Variants in THOC7 observed in about 807,000 individuals in gnomAD.
The protein encoded by THOC7 is NIF3L1-binding protein 1.
A neutral mutation model predicts 33.1 loss-of-function variants in THOC7; 22 were observed. That is an observed-to-expected ratio of 0.66 (90% CI 0.47 to 0.95). The LOEUF (loss-of-function observed/expected upper bound fraction) is 0.95. Ranked by LOEUF, THOC7 falls within the 40% of genes least tolerant of loss-of-function variation. The probability of loss-of-function intolerance (pLI) is 0.00; values close to 1 mark genes in which losing one functional copy is unlikely to be tolerated. For missense variants in THOC7, 184 were observed against 245.3 expected, an observed-to-expected ratio of 0.75 and a Z score of 1.67; for synonymous variants, 77 against 76.8, an observed-to-expected ratio of 1.00 and a Z score of -0.01.
intron 1 of THOC7, among the ~76,000 whole-genome samples, chr3:63,845,451 C>T (rs1701870665): frequency 6.6e-6 from 1 of 152,096 alleles, no homozygotes; most frequent in African/African-American, 2.4e-5. Flanking sequence ...CCATTGGTGA[C>T]CAGCATATGA....
chr3:63,851,879 A>G (rs183910359), intron 1 of THOC7, among the ~76,000 whole-genome samples: 1 of 152,258 alleles, frequency 6.6e-6, no homozygotes, highest in East Asian at 1.9e-4. Context: ...GCCAATTGAG[A>G]TCTTTAAACT....
At chr3:63,856,770 G>T (rs1702123750) in intron 1 of THOC7, among the ~76,000 whole-genome samples, 1 of 151,832 alleles carries the variant, frequency 6.6e-6, no homozygotes, top group Admixed American at 6.6e-5. Context: ...CCAGGCTGGA[G>T]TGCGTGGCGC....
chr3:63,847,700 G>A (rs530455765), intron 1 of THOC7, among the ~76,000 whole-genome samples: 5 of 110,850 alleles, frequency 4.5e-5, no homozygotes, highest in African/African-American at 1.4e-4. Context: ...TCGTGCAACT[G>A]CACTCCAGTC....
chr3:63,853,087 T>A (rs1212369720), intron 1 of THOC7, among the ~76,000 whole-genome samples: 1 of 149,390 alleles, frequency 6.7e-6, no homozygotes, highest in African/African-American at 2.5e-5. Context: ...GGAGGTGGAG[T>A]TTGCAGTGAG....
chr3:63,861,021 G>A (rs1374736203), intron 1 of THOC7: 1 of 152,126 alleles, frequency 6.6e-6, no homozygotes, highest in Non-Finnish European at 1.5e-5. Context: ...AAAGGAAAGT[G>A]GAAGACAGAT....
Position 63,833,979 on chromosome 3 carries a change from G to C in THOC7, c.*153C>G, listed in dbSNP as rs1701572269. 1 of 671,814 alleles carries C rather than the reference G, an allele frequency of 1.5e-6. No individual in the cohort carries two copies. Among genetic ancestry groups the C allele is most frequent in the African/African-American group, 1.9e-5 (1 of 54,034 alleles). 41.6% of individuals were successfully genotyped at this position (671,814 alleles called of 1,614,324 possible). A position where few individuals can be genotyped will look rare whatever the true frequency, so the allele number is the denominator to read the frequency against. ...ATCTATACTGAAGTCATTTTCCTTT[G>C]TGAGAGGAAATATGAATGAAATACA... is the stretch of plus-strand genomic sequence containing the variant. On this transcript the variant is annotated 3_prime_UTR_variant, in exon 8 of 8. Coordinates refer to ENST00000295899, the MANE Select transcript of THOC7 (RefSeq NM_025075.4).
intron 1 of THOC7, among the ~76,000 whole-genome samples, chr3:63,853,157 G>GAAAA (rs1195911287): frequency 6.8e-5 from 5 of 73,490 alleles, no homozygotes; most frequent in East Asian, 4.5e-4. Context: ...TCTCAAAAAA[G>GAAAA]AAAAAAAAAA....
At chr3:63,861,370 C>A (rs1270036415) in intron 1 of THOC7, 2 of 152,184 alleles carry the variant, frequency 1.3e-5, no homozygotes, top group African/African-American at 4.8e-5. Flanking sequence ...ACAGTGAAGT[C>A]AAAAACCTGG....
At chr3:63,863,466 C>T (rs1325550651) in intron 1 of THOC7, 1 of 1,156,754 alleles carries the variant, frequency 8.6e-7, no homozygotes, top group East Asian at 4.0e-5. Flanking sequence ...CGGCCACCCA[C>T]GTGTGTTCCC....
At chr3:63,853,823 G>T (rs1367459189) in intron 1 of THOC7, among the ~76,000 whole-genome samples, 1 of 151,868 alleles carries the variant, frequency 6.6e-6, no homozygotes, top group Non-Finnish European at 1.5e-5. Context: ...CAGGAGAATG[G>T]CGTGAACCCG....
intron 1 of THOC7, among the ~76,000 whole-genome samples, chr3:63,853,018 G>A (rs1356626587): frequency 6.6e-6 from 1 of 152,054 alleles, no homozygotes; most frequent in Non-Finnish European, 1.5e-5. Context: ...GGGCGTGGTG[G>A]CACGCACCTG....
Position 63,837,998 on chromosome 3 carries a change from T to C in THOC7, c.330A>G (p.Lys110=), listed in dbSNP as rs781186093. The C allele has an allele frequency of 1.4e-5, 22 of 1,608,774 alleles. No individual in the cohort carries two copies. ...TACCTTGGCGATTTTTTCGTATTCG[T>C]TTTGCTTGAAGAATTTGCTTTTTGC... ...AECKKQILQA[K]RIRKNRQEYD... Residue 110 remains lysine (K), a synonymous_variant, in exon 4 of 8, where the codon AAA becomes AAG. Transcript: ENST00000295899.
At chr3:63,858,172 GAA>G (rs922797724) in intron 1 of THOC7, among the ~76,000 whole-genome samples, 1 of 152,154 alleles carries the variant, frequency 6.6e-6, no homozygotes, top group Non-Finnish European at 1.5e-5. Context: ...TTTTCACTCT[GAA>G]AAGTGTCCTG....
At chr3:63,850,000 G>A (rs1456046399) in intron 1 of THOC7, among the ~76,000 whole-genome samples, 1 of 152,146 alleles carries the variant, frequency 6.6e-6, no homozygotes, top group Admixed American at 6.5e-5. Context: ...CAATCAAACT[G>A]CAAATCAGGA....
intron 1 of THOC7, among the ~76,000 whole-genome samples, chr3:63,844,832 C>T (rs1196776407): frequency 6.6e-6 from 1 of 152,106 alleles, no homozygotes; most frequent in Non-Finnish European, 1.5e-5. Context: ...ACTTTTATTG[C>T]TTATAAATTA....
At chr3:63,843,686 G>A (rs1701820909) in intron 1 of THOC7, among the ~76,000 whole-genome samples, 1 of 152,100 alleles carries the variant, frequency 6.6e-6, no homozygotes, top group Non-Finnish European at 1.5e-5. Flanking sequence ...GCATCACGAG[G>A]TCAGGAGATC....
rs1701574887 is a variant in THOC7, at chr3:63,834,089, T to C, written c.*43A>G. The C allele has an allele frequency of 6.3e-7, 1 of 1,596,284 alleles. No individual in the cohort carries two copies. Among genetic ancestry groups the C allele is most frequent in the Non-Finnish European group, 8.6e-7 (1 of 1,164,576 alleles). ...ACATTTTAAACACATTATGGTCATG[T>C]AGCTATTTCAATATTCCTGGGAGTG... is the stretch of plus-strand genomic sequence containing the variant. On this transcript the variant is annotated 3_prime_UTR_variant, in exon 8 of 8. Coordinates refer to ENST00000295899, the MANE Select transcript of THOC7 (RefSeq NM_025075.4).
At chr3:63,861,165 G>T (rs911992115) in intron 1 of THOC7, among the ~76,000 whole-genome samples, 1 of 152,060 alleles carries the variant, frequency 6.6e-6, no homozygotes, top group Non-Finnish European at 1.5e-5. Context: ...TATTATCTCC[G>T]TTCAGAGACT....
intron 1 of THOC7, among the ~76,000 whole-genome samples, chr3:63,849,023 G>C (rs1007797495): frequency 6.6e-6 from 1 of 152,166 alleles, no homozygotes; most frequent in East Asian, 1.9e-4. Flanking sequence ...TCTTTAACAG[G>C]ATACAATTGG....
Sources: gnomAD v4.1 joint callset for allele counts (sites outside exome capture counted in the v4.1 genomes callset) on GRCh38, gnomAD v4.1.1 for gene constraint, MANE v1.5 for transcripts, NCBI Gene and HGNC (gene_info 2026-07-23, HGNC 2026-07-21) for gene names.